NIM1K: variants seen among roughly 807,000 people sequenced by gnomAD.
NIM1K encodes the protein serine/threonine-protein kinase NIM1.
In NIM1K, 35 loss-of-function variants were observed where a neutral mutation model predicts 37.1. The observed-to-expected ratio is 0.94, with a 90% CI of 0.72 to 1.25. The LOEUF (loss-of-function observed/expected upper bound fraction) is 1.25. Among genes scored for constraint, NIM1K ranks in the 50% most tolerant of loss-of-function variants. NIM1K has a pLI of 0.00. For missense variants in NIM1K, 564 were observed against 548.0 expected (o/e 1.03, Z -0.29); for synonymous variants, 234 against 206.6 (o/e 1.13, Z -1.14).
chr5:43,233,653 C>T (rs1258584015), intron 1 of NIM1K, among the ~76,000 whole-genome samples: 1 of 152,210 alleles, frequency 6.6e-6, no homozygotes, highest in Admixed American at 6.5e-5. Context: ...CTCAAGTGTT[C>T]TCTGCTTCTT....
At chr5:43,217,459 CAAAAAAAA>C (rs35739990) in intron 1 of NIM1K, among the ~76,000 whole-genome samples, 1 of 93,746 alleles carries the variant, frequency 1.1e-5, no homozygotes, top group South Asian at 3.5e-4. Flanking sequence ...TGTGGACATG[CAAAAAAAA>C]AAAAAAAAAA....
chr5:43,232,692 A>G, intron 1 of NIM1K: 1 of 1,476,462 alleles, frequency 6.8e-7, no homozygotes, highest in Non-Finnish European at 9.2e-7. Flanking sequence ...TCTTGCCGTA[A>G]TCAACCGGGA....
intron 1 of NIM1K, chr5:43,232,361 G>A (rs1752551977): frequency 1.5e-6 from 2 of 1,348,706 alleles, no homozygotes; most frequent in South Asian, 1.2e-5. Context: ...CAGGGCATAT[G>A]TGTCCAGACG....
chr5:43,268,659 A>G (rs1463667296), intron 2 of NIM1K, among the ~76,000 whole-genome samples: 2 of 152,244 alleles, frequency 1.3e-5, no homozygotes, highest in African/African-American at 4.8e-5. Context: ...GACCTCTGGA[A>G]TAATGGCTGT....
At chr5:43,212,703 A>G (rs1460649707) in intron 1 of NIM1K, among the ~76,000 whole-genome samples, 1 of 152,106 alleles carries the variant, frequency 6.6e-6, no homozygotes, top group African/African-American at 2.4e-5. Context: ...AGAGACACCA[A>G]CTCTAAACGT....
intron 2 of NIM1K, among the ~76,000 whole-genome samples, chr5:43,262,769 TG>T (rs985860152): frequency 3.9e-5 from 6 of 152,184 alleles, no homozygotes. Context: ...CTTACTATTT[TG>T]TGATGCATTC....
chr5:43,232,559 C>T, intron 1 of NIM1K: 1 of 1,581,316 alleles, frequency 6.3e-7, no homozygotes, highest in South Asian at 1.2e-5. Context: ...GCCTCATTGT[C>T]TACCATGAAG....
intron 1 of NIM1K, among the ~76,000 whole-genome samples, chr5:43,202,993 G>A (rs1403046639): frequency 6.6e-6 from 1 of 152,012 alleles, no homozygotes; most frequent in African/African-American, 2.4e-5. Flanking sequence ...ACAATCTATT[G>A]CTGGTTGCTC....
intron 2 of NIM1K, among the ~76,000 whole-genome samples, chr5:43,253,403 A>G (rs1752898303): frequency 6.6e-6 from 1 of 151,734 alleles, no homozygotes; most frequent in African/African-American, 2.4e-5. Context: ...AAAAGCTTGC[A>G]ATGGGTCTTG....
At chr5:43,221,447 CA>C (rs55658060) in intron 1 of NIM1K, among the ~76,000 whole-genome samples, 23,739 of 118,984 alleles carry the variant, frequency 0.2, 1,150 homozygotes, top group East Asian at 0.47. Flanking sequence ...GAGACTGTCT[CA>C]AAAAAAAAAA....
chr5:43,199,205 ATATATATATATAT>A (rs374569192), intron 1 of NIM1K, among the ~76,000 whole-genome samples: 13 of 59,478 alleles, frequency 2.2e-4, no homozygotes, highest in South Asian at 8.8e-4. Context: ...AAAAAAAAAA[ATATATATATATAT>A]ATATATATAT....
intron 1 of NIM1K, among the ~76,000 whole-genome samples, chr5:43,222,212 G>C (rs1752390234): frequency 6.6e-6 from 1 of 152,178 alleles, no homozygotes. Flanking sequence ...TGAATTCTGA[G>C]CAGGATGTCC....
intron 1 of NIM1K, among the ~76,000 whole-genome samples, chr5:43,230,961 A>G (rs906795175): frequency 2.0e-5 from 3 of 152,254 alleles, no homozygotes; most frequent in African/African-American, 7.2e-5. Context: ...TTGGAATAGT[A>G]ATATTACTAG....
In NIM1K at chr5:43,269,275, C is replaced by T. The variant is rs375389911; in HGVS notation, c.293-7782C>T. 3.3e-4 allele frequency among the ~76,000 whole-genome samples: 46 copies of T among 138,970 alleles called. No individual in the cohort carries two copies. In the East Asian group the frequency reaches 6.7e-3, roughly 20 times the overall value. The allele number at this position is 138,970 out of a possible 152,430, so 91.2% of individuals were successfully genotyped here. On this transcript the variant is annotated intron_variant, in intron 2 of 3. Coordinates refer to ENST00000326035, the MANE Select transcript of NIM1K (RefSeq NM_153361.4). ...CAGTGAGCCAAGATTGCGCCTTGCT[C>T]TCCAGCCTGGGCAACAAAGTGAGAC...
intron 1 of NIM1K, among the ~76,000 whole-genome samples, chr5:43,230,089 T>C (rs1324863427): frequency 1.3e-5 from 2 of 152,144 alleles, no homozygotes; most frequent in Admixed American, 1.3e-4. Context: ...CAGAAACAAA[T>C]GGAGTAAGAA....
chr5:43,235,247 T>G (rs1211216744), intron 1 of NIM1K, among the ~76,000 whole-genome samples: 2 of 152,216 alleles, frequency 1.3e-5, no homozygotes. Flanking sequence ...ATTATCCAAT[T>G]CTTCATTTTA....
chr5:43,264,018 G>A (rs1379539057), intron 2 of NIM1K, among the ~76,000 whole-genome samples: 2 of 152,188 alleles, frequency 1.3e-5, no homozygotes, highest in Non-Finnish European at 2.9e-5. Flanking sequence ...TTTTACATTT[G>A]CTGAGGAGTG....
intron 2 of NIM1K, among the ~76,000 whole-genome samples, chr5:43,271,438 A>ATT (rs1753254913): frequency 6.6e-6 from 1 of 152,130 alleles, no homozygotes; most frequent in African/African-American, 2.4e-5. Context: ...AATTTCTGTG[A>ATT]TTATATATAT....
chr5:43,267,063 T>C lies in NIM1K; in HGVS notation c.293-9994T>C, dbSNP rs542114798. 3.3e-5 allele frequency among the ~76,000 whole-genome samples: 5 copies of C among 152,358 alleles called. No homozygotes were observed. In the South Asian group the frequency reaches 1.0e-3, roughly 32 times the overall value. On this transcript the variant is annotated intron_variant, in intron 2 of 3. Coordinates refer to ENST00000326035, the MANE Select transcript of NIM1K (RefSeq NM_153361.4). ...TTGACTGTCTGGTAGAATTCAGCTATGAATCCATCTGGCCCTAGGCTTTTT... is the reference window on the plus strand; with the variant it reads ...TTGACTGTCTGGTAGAATTCAGCTACGAATCCATCTGGCCCTAGGCTTTTT...
Sources: allele counts gnomAD v4.1 joint callset (sites outside exome capture counted in the v4.1 genomes callset), GRCh38; gene constraint gnomAD v4.1.1; transcripts MANE v1.5; gene names NCBI Gene and HGNC (gene_info 2026-07-23, HGNC 2026-07-21).